DNMT3A: variants seen among roughly 807,000 people sequenced by gnomAD.
The protein encoded by DNMT3A is DNA methyltransferase 3 alpha, also known as DNA (cytosine-5)-methyltransferase 3A.
Under a neutral mutation model 117.6 loss-of-function variants are expected in DNMT3A, and 267 were observed. The observed-to-expected ratio is 2.27, with a 90% CI of 2.05 to 2.51. DNMT3A has a LOEUF of 2.51. DNMT3A is among the 30% of genes most tolerant of loss of function. The pLI is 0.00. For missense variants in DNMT3A, 1,029 were observed against 1,260.2 expected (o/e 0.82, Z 2.78); for synonymous variants, 432 against 474.8 (o/e 0.91, Z 1.17).
intron 1 of DNMT3A, among the ~76,000 whole-genome samples, chr2:25,334,389 C>G (rs2035130127): frequency 6.6e-6 from 1 of 152,206 alleles, no homozygotes. Flanking sequence ...CCCCTTCTAC[C>G]CCTTCGTGGG....
intron 6 of DNMT3A, among the ~76,000 whole-genome samples, chr2:25,273,231 C>T (rs1198413087): frequency 6.6e-6 from 1 of 152,086 alleles, no homozygotes; most frequent in East Asian, 1.9e-4. Flanking sequence ...CCGCCTCAGC[C>T]TCCCAAAGTG....
intron 2 of DNMT3A, among the ~76,000 whole-genome samples, chr2:25,312,863 C>A (rs1171948278): frequency 6.6e-6 from 1 of 152,198 alleles, no homozygotes; most frequent in Non-Finnish European, 1.5e-5. Flanking sequence ...AAGCTGGTGC[C>A]AGGTGTCCAC....
chr2:25,267,687 G>A (rs998397343), intron 6 of DNMT3A, among the ~76,000 whole-genome samples: 1 of 152,208 alleles, frequency 6.6e-6, no homozygotes, highest in Non-Finnish European at 1.5e-5. Flanking sequence ...CCTATTATAT[G>A]CTAGCTCTGT....
At position 25,236,722 on chromosome 2, in the gene DNMT3A, G is replaced by A. The variant is rs1411242990; in HGVS notation, c.2478+214C>T. On this transcript the variant is annotated intron_variant, in intron 21 of 22. Transcript: ENST00000321117. The surrounding 1 kb of genome is among the most constrained non-coding windows in gnomAD (Gnocchi z 4.5). ...AGACTCCTCAGTGTCTACCGGGGGT[G>A]ATGGGCGACACTCACCAGGGAGGAA... Among the ~76,000 whole-genome samples the A allele has an allele frequency of 1.3e-5, 2 of 152,246 alleles. No homozygotes were observed. The highest frequency in any genetic ancestry group is 2.9e-5 in the Non-Finnish European group (2 of 68,038).
chr2:25,292,956 C>A lies in DNMT3A; in HGVS notation c.177+7183G>T, dbSNP rs142387503. On this transcript the variant is annotated intron_variant, in intron 3 of 22. Coordinates refer to ENST00000321117, the MANE Select transcript of DNMT3A (RefSeq NM_022552.5). ...AGGACCTGTGGGAATGAATGACTCGCTGAAGGTGGCCCTGGGATGTGGAGA... is the reference window on the plus strand; with the variant it reads ...AGGACCTGTGGGAATGAATGACTCGATGAAGGTGGCCCTGGGATGTGGAGA... Among the ~76,000 whole-genome samples, 4 of 151,692 alleles carry A rather than the reference C, an allele frequency of 2.6e-5. No individual in the cohort carries two copies. The East Asian group carries it at 5.8e-4, about 22-fold the overall frequency.
At position 25,286,450 on chromosome 2, in the gene DNMT3A, GC is replaced by G. The variant is rs1010549644; in HGVS notation, c.178-3740del. 1.3e-5 allele frequency among the ~76,000 whole-genome samples: 2 copies of G among 152,122 alleles called. No homozygotes were observed. Among genetic ancestry groups the G allele is most frequent in the Non-Finnish European group, 2.9e-5 (2 of 68,006 alleles). On this transcript the variant is annotated intron_variant, in intron 3 of 22. Transcript: ENST00000321117. The surrounding 1 kb of genome is among the most constrained non-coding windows in gnomAD (Gnocchi z 4.3). ...CTCACCCGCTGAAATCCCCACTCCCGCATCTGGTCCACACCATCCTCTGCCC... is the reference window on the plus strand; with the variant it reads ...CTCACCCGCTGAAATCCCCACTCCCGATCTGGTCCACACCATCCTCTGCCC...
At chr2:25,279,445 G>A (rs1339303458) in intron 4 of DNMT3A, among the ~76,000 whole-genome samples, 3 of 152,124 alleles carry the variant, frequency 2.0e-5, no homozygotes, top group East Asian at 3.9e-4. Flanking sequence ...CTGAGCATGT[G>A]TTCTATGTCA....
At position 25,281,502 on chromosome 2, in the gene DNMT3A, T is replaced by C. The variant is rs559194347; in HGVS notation, c.448+939A>G. ...AATGTTCTCTATCCTGCATGAACAT[T>C]AGGTTGGATCCATGCAAAATAAGTT... On this transcript the variant is annotated intron_variant, in intron 4 of 22. Transcript: ENST00000321117. This position sits in a 1 kb window ranked among gnomAD's most constrained non-coding sequence, Gnocchi z 4.8. The C allele has an allele frequency of 3.1e-3, 3,238 of 1,056,614 alleles. 11 individuals carry two copies. The highest frequency in any genetic ancestry group is 3.6e-3 in the Non-Finnish European group (3,117 of 873,764). 65.5% of individuals were successfully genotyped at this position (1,056,614 alleles called of 1,614,324 possible).
In DNMT3A at chr2:25,341,889, G is replaced by A; in HGVS notation, c.-241C>T. The A allele has an allele frequency of 1.0e-6, 1 of 979,894 alleles. No individual in the cohort carries two copies. The highest frequency in any genetic ancestry group is 1.2e-6 in the Non-Finnish European group (1 of 827,688). 60.7% of individuals were successfully genotyped at this position (979,894 alleles called of 1,614,324 possible). A position where few individuals can be genotyped will look rare whatever the true frequency, so the allele number is the denominator to read the frequency against. ...CCTGGTGCCGCGGCGCCGCGTCCCGGCTCGTCCTCTGCTCTCGCCGCCGCC... is the reference window on the plus strand; with the variant it reads ...CCTGGTGCCGCGGCGCCGCGTCCCGACTCGTCCTCTGCTCTCGCCGCCGCC... On this transcript the variant is annotated 5_prime_UTR_variant, in exon 1 of 23. Transcript: ENST00000321117.
Position 25,236,101 on chromosome 2 carries a change from T to C in DNMT3A, c.2479-276A>G, listed in dbSNP as rs1673335261. On this transcript the variant is annotated intron_variant, in intron 21 of 22. Coordinates refer to ENST00000321117, the MANE Select transcript of DNMT3A (RefSeq NM_022552.5). The surrounding 1 kb of genome is among the most constrained non-coding windows in gnomAD (Gnocchi z 4.5). Reference sequence around the variant, plus strand: ...TTTTTTTTGAGACGGAGTCTCGCTCTGTCACCCAGGCTGGACTGCAGTGGT... The same window carrying C: ...TTTTTTTTGAGACGGAGTCTCGCTCCGTCACCCAGGCTGGACTGCAGTGGT... 6.6e-6 allele frequency among the ~76,000 whole-genome samples: 1 copy of C among 151,600 alleles called. No homozygotes were observed. The highest frequency in any genetic ancestry group is 2.4e-5 in the African/African-American group (1 of 41,216).
At chr2:25,313,448 GC>G (rs974043800) in intron 2 of DNMT3A, among the ~76,000 whole-genome samples, 10 of 152,282 alleles carry the variant, frequency 6.6e-5, no homozygotes, top group Non-Finnish European at 1.3e-4. Flanking sequence ...GGGAGGGTGG[GC>G]CCCCGCGGCC....
Position 25,267,763 on chromosome 2 carries a change from G to A in DNMT3A, c.639+7178C>T, listed in dbSNP as rs115886967. Among the ~76,000 whole-genome samples the A allele has an allele frequency of 1.9e-3, 291 of 152,324 alleles. 2 individuals are homozygous for A. The highest frequency in any genetic ancestry group is 6.8e-3 in the African/African-American group (284 of 41,578). On this transcript the variant is annotated intron_variant, in intron 6 of 22. Transcript: ENST00000321117. Reference sequence around the variant, plus strand: ...GAGATAAGAATTGTTCATTCATTCAGCACACTTTCACCCTGCACCTCCCAC... The same window carrying A: ...GAGATAAGAATTGTTCATTCATTCAACACACTTTCACCCTGCACCTCCCAC...
intron 3 of DNMT3A, among the ~76,000 whole-genome samples, chr2:25,289,097 C>T (rs1462489337): frequency 6.6e-6 from 1 of 151,678 alleles, no homozygotes; most frequent in African/African-American, 2.4e-5. Flanking sequence ...TGAGCCTTGC[C>T]TTATTTAACT....
At position 25,298,336 on chromosome 2, in the gene DNMT3A, C is replaced by T. The variant is rs535601231; in HGVS notation, c.177+1803G>A. Among the ~76,000 whole-genome samples, 1 of 152,310 alleles carries T rather than the reference C, an allele frequency of 6.6e-6. No homozygotes were observed. Among genetic ancestry groups the T allele is most frequent in the South Asian group, 2.1e-4 (1 of 4,820 alleles). ...TTCTCTGTCATTGTCTAGGTGATGT[C>T]CCCACACTCCTGTCCCTGACTTCCT... is the stretch of plus-strand genomic sequence containing the variant. On this transcript the variant is annotated intron_variant, in intron 3 of 22. Transcript: ENST00000321117. This position sits in a 1 kb window ranked among gnomAD's most constrained non-coding sequence, Gnocchi z 4.3.
chr2:25,299,010 C>T (rs2033262616), intron 3 of DNMT3A, among the ~76,000 whole-genome samples: 1 of 151,280 alleles, frequency 6.6e-6, no homozygotes, highest in African/African-American at 2.4e-5. Context: ...GGGAGCAAGT[C>T]CTGGGCTCCA....
intron 1 of DNMT3A, chr2:25,314,808 C>T (rs977534981): frequency 1.5e-6 from 1 of 671,022 alleles, no homozygotes; most frequent in African/African-American, 2.0e-5. Context: ...CTCTCCCCCA[C>T]CCCATGAACC....
rs1032992693 is a variant in DNMT3A at position 25,252,125 on chromosome 2, G to C, written c.640-3873C>G. On this transcript the variant is annotated intron_variant, in intron 6 of 22. Coordinates refer to ENST00000321117, the MANE Select transcript of DNMT3A (RefSeq NM_022552.5). The surrounding 1 kb of genome is among the most constrained non-coding windows in gnomAD (Gnocchi z 5.5). ...ACTCTTTTCAAACCCGGAGGGCTGC[G>C]GAGATCCTCCCACCGGCCCTGCCGC... 1.3e-6 allele frequency: 2 copies of C among 1,531,144 alleles called. No homozygotes were observed. Among genetic ancestry groups the C allele is most frequent in the African/African-American group, 2.8e-5 (2 of 71,516 alleles). 94.8% of individuals were successfully genotyped at this position (1,531,144 alleles called of 1,614,324 possible).
chr2:25,251,843 A>C (rs1459507190), intron 6 of DNMT3A: 1 of 367,386 alleles, frequency 2.7e-6, no homozygotes, highest in African/African-American at 2.1e-5. Flanking sequence ...CCCATCTGCC[A>C]GCTCAGCTGA....
intron 3 of DNMT3A, among the ~76,000 whole-genome samples, chr2:25,295,996 C>A (rs1284934226): frequency 6.6e-6 from 1 of 152,182 alleles, no homozygotes; most frequent in Non-Finnish European, 1.5e-5. Context: ...ATTCTCAGTG[C>A]ACCAAGAAAT....
Sources: allele counts gnomAD v4.1 joint callset (sites outside exome capture counted in the v4.1 genomes callset), GRCh38; gene constraint gnomAD v4.1.1; non-coding constraint Gnocchi (gnomAD v3.1); transcripts MANE v1.5; gene names NCBI Gene and HGNC (gene_info 2026-07-23, HGNC 2026-07-21).